Variants in HPSE2 observed in about 807,000 individuals in gnomAD.
The protein encoded by HPSE2 is heparanase 2 (inactive), also known as inactive heparanase-2.
Under a neutral mutation model 60.5 loss-of-function variants are expected in HPSE2, and 38 were observed. That is an observed-to-expected ratio of 0.63 (90% CI 0.48 to 0.82). HPSE2 has a LOEUF of 0.82. Ranked by LOEUF, HPSE2 falls within the 40% of genes least tolerant of loss-of-function variation. The probability of loss-of-function intolerance (pLI) is 0.00; values close to 1 mark genes in which losing one functional copy is unlikely to be tolerated. For missense variants in HPSE2, 713 were observed against 740.4 expected, an observed-to-expected ratio of 0.96 and a Z score of 0.43; for synonymous variants, 295 against 293.2, an observed-to-expected ratio of 1.01 and a Z score of -0.06.
chr10:98,772,959 C>T (rs915260653), intron 3 of HPSE2, among the ~76,000 whole-genome samples: 7 of 152,124 alleles, frequency 4.6e-5, no homozygotes, highest in Non-Finnish European at 1.0e-4. Context: ...AATAAGCTCA[C>T]GAGGTCAACA....
intron 11 of HPSE2, among the ~76,000 whole-genome samples, chr10:98,473,782 C>T (rs1940884966): frequency 6.6e-6 from 1 of 152,102 alleles, no homozygotes. Flanking sequence ...CAAGAAAACA[C>T]CTTTGGCCTA....
chr10:99,297,767 A>G, the HPSE2 span, among the ~76,000 whole-genome samples: 4,182 of 151,938 alleles, frequency 0.028, 190 homozygotes, highest in African/African-American at 0.095. Context: ...AGGGTTTTCA[A>G]CACTTGGCGA....
chr10:98,847,733 C>T (rs1346131829), intron 3 of HPSE2, among the ~76,000 whole-genome samples: 1 of 152,178 alleles, frequency 6.6e-6, no homozygotes, highest in Non-Finnish European at 1.5e-5. Flanking sequence ...ATCTACTCTG[C>T]AGACCAGTTT....
At chr10:98,816,995 T>C (rs1253560122) in intron 3 of HPSE2, among the ~76,000 whole-genome samples, 1 of 152,126 alleles carries the variant, frequency 6.6e-6, no homozygotes, top group Non-Finnish European at 1.5e-5. Flanking sequence ...AAAGAGCCCC[T>C]TGTGCTCTCC....
intron 6 of HPSE2, among the ~76,000 whole-genome samples, chr10:98,679,362 T>C (rs1352361968): frequency 6.6e-6 from 1 of 152,206 alleles, no homozygotes; most frequent in Non-Finnish European, 1.5e-5. Flanking sequence ...CCTTTTTCAT[T>C]CTCACCTCTC....
At chr10:99,102,413 C>T (rs1373893748) in intron 3 of HPSE2, among the ~76,000 whole-genome samples, 9 of 152,068 alleles carry the variant, frequency 5.9e-5, no homozygotes, top group East Asian at 1.9e-4. Context: ...ACACATACAC[C>T]CTCCCAAGAC....
At chr10:98,569,440 T>C (rs1944436822) in intron 9 of HPSE2, among the ~76,000 whole-genome samples, 1 of 152,222 alleles carries the variant, frequency 6.6e-6, no homozygotes, top group Non-Finnish European at 1.5e-5. Flanking sequence ...AACTTAATGA[T>C]ACATTTAAAT....
chr10:98,466,808 A>T (rs1325849614), intron 11 of HPSE2, among the ~76,000 whole-genome samples: 1 of 152,140 alleles, frequency 6.6e-6, no homozygotes, highest in African/African-American at 2.4e-5. Flanking sequence ...GTTTTATGCC[A>T]AGCCCAGAGT....
the HPSE2 span, among the ~76,000 whole-genome samples, chr10:99,253,304 G>A: frequency 6.6e-6 from 1 of 152,226 alleles, no homozygotes; most frequent in East Asian, 1.9e-4. Context: ...CAATGGAACA[G>A]AATAGAGAAC....
intron 2 of HPSE2, among the ~76,000 whole-genome samples, chr10:99,160,073 G>A (rs538366934): frequency 2.0e-5 from 3 of 150,478 alleles, no homozygotes; most frequent in Admixed American, 6.6e-5. Context: ...CCTGGGAGGC[G>A]AAGGTTGCAG....
At chr10:99,053,262 T>TGCAAAA (rs1958031480) in intron 3 of HPSE2, among the ~76,000 whole-genome samples, 2 of 152,076 alleles carry the variant, frequency 1.3e-5, no homozygotes, top group African/African-American at 4.8e-5. Flanking sequence ...ATTATGCCGT[T>TGCAAAA]GCAAAACTTT....
At chr10:98,840,115 CA>C (rs1344537078) in intron 3 of HPSE2, among the ~76,000 whole-genome samples, 2 of 152,104 alleles carry the variant, frequency 1.3e-5, no homozygotes, top group African/African-American at 4.8e-5. Flanking sequence ...GTTTTATGTC[CA>C]TTGTTCATTT....
intron 11 of HPSE2, among the ~76,000 whole-genome samples, chr10:98,476,283 T>C (rs1941015375): frequency 7.9e-6 from 1 of 127,280 alleles, no homozygotes; most frequent in African/African-American, 3.0e-5. Context: ...TGAGAACACA[T>C]GGACACAGGA....
chr10:99,250,355 CA>C, the HPSE2 span, among the ~76,000 whole-genome samples: 1 of 151,986 alleles, frequency 6.6e-6, no homozygotes, highest in Admixed American at 6.6e-5. Flanking sequence ...TTAATAGCAA[CA>C]AAAGAATAGA....
At chr10:99,140,698 T>C (rs11189991) in intron 3 of HPSE2, among the ~76,000 whole-genome samples, 72,435 of 152,024 alleles carry the variant, frequency 0.48, 19,623 homozygotes, top group Non-Finnish European at 0.61. Context: ...GACAACTGAA[T>C]TCGAACCCAT....
intron 5 of HPSE2, among the ~76,000 whole-genome samples, chr10:98,710,854 T>C (rs1346261386): frequency 2.0e-5 from 3 of 152,068 alleles, no homozygotes; most frequent in Non-Finnish European, 4.4e-5. Context: ...TACTCCCTCA[T>C]TTATCTCACA....
At chr10:98,986,786 C>T (rs1030470774) in intron 3 of HPSE2, among the ~76,000 whole-genome samples, 10 of 151,176 alleles carry the variant, frequency 6.6e-5, no homozygotes, top group South Asian at 4.2e-4. Flanking sequence ...ATCAAATAGA[C>T]GCAATAAAAA....
intron 3 of HPSE2, among the ~76,000 whole-genome samples, chr10:98,792,589 T>G (rs1950679212): frequency 6.6e-6 from 1 of 151,970 alleles, no homozygotes; most frequent in Admixed American, 6.6e-5. Flanking sequence ...TGGTTGGCAT[T>G]TTTGTACATT....
intron 7 of HPSE2, among the ~76,000 whole-genome samples, chr10:98,640,802 C>T (rs1476675668): frequency 6.6e-6 from 1 of 152,142 alleles, no homozygotes; most frequent in East Asian, 1.9e-4. Context: ...AAGATCCTCA[C>T]AATTTAGAAT....
Sources: allele counts gnomAD v4.1 joint callset (sites outside exome capture counted in the v4.1 genomes callset), GRCh38; gene constraint gnomAD v4.1.1; transcripts MANE v1.5; gene names NCBI Gene and HGNC (gene_info 2026-07-23, HGNC 2026-07-21).